LHPP: variants seen among roughly 807,000 people sequenced by gnomAD.
The protein encoded by LHPP is hLHPP.
A neutral mutation model predicts 30.3 loss-of-function variants in LHPP; 24 were observed. The ratio of observed to expected loss-of-function variants is 0.79; its 90% CI spans 0.57 to 1.11. The LOEUF (loss-of-function observed/expected upper bound fraction) is 1.11, where lower values mean the gene tolerates loss of function less well. Ranked by LOEUF, LHPP falls within the 50% of genes most tolerant of loss-of-function variation. LHPP has a pLI of 0.00. For synonymous variants in LHPP, 150 were observed against 157.1 expected (o/e 0.95, Z 0.34); for missense variants, 356 against 367.2 (o/e 0.97, Z 0.25).
At chr10:124,462,298 G>T (rs1406746486) in intron 1 of LHPP, among the ~76,000 whole-genome samples, 2 of 152,182 alleles carry the variant, frequency 1.3e-5, no homozygotes, top group East Asian at 1.9e-4. Flanking sequence ...AATGCATACC[G>T]ATTAACAAGA....
chr10:124,565,985 CT>C (rs1442325651), intron 6 of LHPP, among the ~76,000 whole-genome samples: 1 of 152,238 alleles, frequency 6.6e-6, no homozygotes, highest in Non-Finnish European at 1.5e-5. Context: ...CGCAGAGGGC[CT>C]TTGCCGAGGT....
At chr10:124,534,228 T>A (rs892561988) in intron 6 of LHPP, among the ~76,000 whole-genome samples, 24 of 152,268 alleles carry the variant, frequency 1.6e-4, no homozygotes, top group African/African-American at 5.5e-4. Flanking sequence ...TGGCGGCCCA[T>A]GCCGGGAATT....
intron 5 of LHPP, among the ~76,000 whole-genome samples, chr10:124,506,337 A>G (rs1441023905): frequency 7.3e-6 from 1 of 136,230 alleles, no homozygotes; most frequent in African/African-American, 2.8e-5. Context: ...TGGTGAGGGG[A>G]TGTCCTATGC....
chr10:124,494,477 G>C (rs189312260), intron 3 of LHPP, among the ~76,000 whole-genome samples: 7 of 152,168 alleles, frequency 4.6e-5, no homozygotes. Flanking sequence ...CTCCGTCCTG[G>C]CTTACTTCCA....
intron 6 of LHPP, among the ~76,000 whole-genome samples, chr10:124,591,113 G>T (rs1257707270): frequency 6.6e-6 from 1 of 152,202 alleles, no homozygotes; most frequent in African/African-American, 2.4e-5. Flanking sequence ...GCGGGTGGGT[G>T]TTAACTGCTG....
At chr10:124,488,776 C>T (rs1393307134) in intron 3 of LHPP, among the ~76,000 whole-genome samples, 4 of 152,026 alleles carry the variant, frequency 2.6e-5, no homozygotes, top group African/African-American at 9.7e-5. Flanking sequence ...GAAATAGGAA[C>T]ACTGTCTTCA....
At chr10:124,495,205 G>A (rs1004762669) in intron 3 of LHPP, among the ~76,000 whole-genome samples, 1 of 152,156 alleles carries the variant, frequency 6.6e-6, no homozygotes, top group Non-Finnish European at 1.5e-5. Flanking sequence ...CCCTCTGTGA[G>A]CATTCACAGC....
rs1188857948 is a variant in LHPP, at chr10:124,511,846, G to A, written c.625-5334G>A. Reference sequence around the variant, plus strand: ...TGCTTTCTGGAATTCACAGCATGGCGTGCCCTGGTGAGTGGTGGGGAGATG... The same window carrying A: ...TGCTTTCTGGAATTCACAGCATGGCATGCCCTGGTGAGTGGTGGGGAGATG... On this transcript the variant is annotated intron_variant, in intron 5 of 6. Coordinates refer to ENST00000368842, the MANE Select transcript of LHPP (RefSeq NM_022126.4). 3.3e-5 allele frequency among the ~76,000 whole-genome samples: 5 copies of A among 152,148 alleles called. No individual in the cohort carries two copies. In the South Asian group the frequency reaches 6.2e-4, roughly 19 times the overall value.
rs73365850 is a variant in LHPP, at chr10:124,501,201, C to T, written c.624+3073C>T. Among the ~76,000 whole-genome samples the T allele has an allele frequency of 4.9e-4, 75 of 151,908 alleles. 1 individual carries two copies. Among genetic ancestry groups the T allele is most frequent in the African/African-American group, 1.8e-3 (74 of 41,254 alleles). On this transcript the variant is annotated intron_variant, in intron 5 of 6. Transcript: ENST00000368842. ...ATGTATAGCAAATGTCTAGAATGGG[C>T]AAATCCATAGAGATGGAAAGGAGAT...
intron 6 of LHPP, among the ~76,000 whole-genome samples, chr10:124,587,738 T>TAAAAAAAAAAAAAAAAAAA: frequency 1.9e-5 from 1 of 53,004 alleles, no homozygotes; most frequent in Non-Finnish European, 3.7e-5. Flanking sequence ...AGACTCCATC[T>TAAAAAAAAAAAAAAAAAAA]AAAAAAAAAA....
rs561524221 is a variant in LHPP at position 124,510,653 on chromosome 10, C to T, written c.625-6527C>T. ...TGGTTTTGTATGTGGGAGGAGCATG[C>T]ACACAGTTTCATTTTCCCCGGAAGC... On this transcript the variant is annotated intron_variant, in intron 5 of 6. Transcript: ENST00000368842. The surrounding 1 kb of genome is among the most constrained non-coding windows in gnomAD (Gnocchi z 4.0). Among the ~76,000 whole-genome samples, 41 of 152,358 alleles carry T rather than the reference C, an allele frequency of 2.7e-4. No homozygotes were observed. The highest frequency in any genetic ancestry group is 9.6e-4 in the African/African-American group (40 of 41,578).
In LHPP at chr10:124,504,012, C is replaced by T. The variant is rs575373028; in HGVS notation, c.624+5884C>T. On this transcript the variant is annotated intron_variant, in intron 5 of 6. Coordinates refer to ENST00000368842, the MANE Select transcript of LHPP (RefSeq NM_022126.4). Reference sequence around the variant, plus strand: ...TTCCAGACCAGCCTGGCCAACATGGCAAAACCCCATCTCTACTACAAATAC... The same window carrying T: ...TTCCAGACCAGCCTGGCCAACATGGTAAAACCCCATCTCTACTACAAATAC... 5.3e-5 allele frequency among the ~76,000 whole-genome samples: 8 copies of T among 151,622 alleles called. No individual in the cohort carries two copies. The South Asian group carries it at 1.7e-3, about 32-fold the overall frequency.
chr10:124,600,061 G>A (rs1011461592), intron 6 of LHPP, among the ~76,000 whole-genome samples: 23 of 152,358 alleles, frequency 1.5e-4, no homozygotes, highest in African/African-American at 5.1e-4. Context: ...CACCAAGTGA[G>A]GCAGGGGCAG....
At chr10:124,521,153 C>T (rs573175671) in intron 6 of LHPP, among the ~76,000 whole-genome samples, 9 of 152,242 alleles carry the variant, frequency 5.9e-5, no homozygotes, top group Admixed American at 2.0e-4. Context: ...GATGGGGCCT[C>T]GCTCTCTGGA....
At chr10:124,608,967 C>T (rs1021900704) in intron 6 of LHPP, among the ~76,000 whole-genome samples, 3 of 152,260 alleles carry the variant, frequency 2.0e-5, no homozygotes, top group African/African-American at 7.2e-5. Context: ...AGCCGCATCT[C>T]TGCAGCAGCG....
chr10:124,482,191 C>T (rs543272924), intron 1 of LHPP, among the ~76,000 whole-genome samples: 4 of 152,272 alleles, frequency 2.6e-5, no homozygotes, highest in East Asian at 3.9e-4. Flanking sequence ...GTTGAATCTG[C>T]GTGTATTCAT....
chr10:124,543,594 C>T (rs1955258472), intron 6 of LHPP, among the ~76,000 whole-genome samples: 1 of 152,182 alleles, frequency 6.6e-6, no homozygotes, highest in Admixed American at 6.5e-5. Flanking sequence ...GTTCAGCTGC[C>T]CATGGTGGCG....
intron 6 of LHPP, among the ~76,000 whole-genome samples, chr10:124,582,821 A>T (rs1258043505): frequency 6.6e-6 from 1 of 151,560 alleles, no homozygotes; most frequent in African/African-American, 2.4e-5. Context: ...CCTGGGCAAC[A>T]TGGTGAAACC....
At chr10:124,594,213 C>T (rs1948914829) in intron 6 of LHPP, among the ~76,000 whole-genome samples, 1 of 151,208 alleles carries the variant, frequency 6.6e-6, no homozygotes. Context: ...GCCTATAATC[C>T]CAGCTACTCA....
Sources: allele counts gnomAD v4.1 joint callset (sites outside exome capture counted in the v4.1 genomes callset), GRCh38; gene constraint gnomAD v4.1.1; non-coding constraint Gnocchi (gnomAD v3.1); transcripts MANE v1.5; gene names NCBI Gene and HGNC (gene_info 2026-07-23, HGNC 2026-07-21).